The following PRKAG3 variants were observed in gnomAD, a reference collection of about 807,000 sequenced individuals.
PRKAG3 encodes the protein 5'-AMP-activated protein kinase subunit gamma-3.
Under a neutral mutation model 56.5 loss-of-function variants are expected in PRKAG3, and 39 were observed. That is an observed-to-expected ratio of 0.69 (90% CI 0.53 to 0.90). The LOEUF (loss-of-function observed/expected upper bound fraction) is 0.90, where lower values mean the gene tolerates loss of function less well. PRKAG3 is among the 40% of genes least tolerant of loss of function. PRKAG3 has a pLI of 0.00. For missense variants in PRKAG3, 628 were observed against 627.5 expected (o/e 1.00, Z -0.01); for synonymous variants, 243 against 250.1 (o/e 0.97, Z 0.27).
At chr2:218,822,355 A>G (rs1019755265), downstream of PRKAG3, 1 of 152,242 alleles carries the variant, frequency 6.6e-6, no homozygotes, top group African/African-American at 2.4e-5. Flanking sequence ...AAGAGAAGAA[A>G]GAAATTTCAG....
chr2:218,829,535 T>G (rs1384876081), intron 4 of PRKAG3, among the ~76,000 whole-genome samples: 1 of 151,682 alleles, frequency 6.6e-6, no homozygotes, highest in Non-Finnish European at 1.5e-5. Context: ...ACCATGTTGG[T>G]CAGGCCGGTC....
At chr2:218,823,124 C>T (rs997252445), downstream of PRKAG3, 16 of 895,982 alleles carry the variant, frequency 1.8e-5, no homozygotes, top group African/African-American at 3.6e-5. Flanking sequence ...GGAGGGACAG[C>T]GGCCTTTCCA....
chr2:218,827,726 A>G lies in PRKAG3; in HGVS notation c.821-97T>C. ...CTTCCGTCAGGCACCCGAGGCTCCT[A>G]TTGTCCCTCCCCTGTTCACTCCAGG... On this transcript the variant is annotated intron_variant, in intron 7 of 12. Coordinates refer to ENST00000529249, the Ensembl canonical transcript of PRKAG3. This position sits in a 1 kb window ranked among gnomAD's most constrained non-coding sequence, Gnocchi z 5.3. The G allele has an allele frequency of 6.4e-7, 1 of 1,561,110 alleles. No homozygotes were observed. The highest frequency in any genetic ancestry group is 2.2e-5 in the East Asian group (1 of 44,560).
chr2:218,827,661 G>C lies in PRKAG3; in HGVS notation c.821-32C>G. On this transcript the variant is annotated intron_variant, in intron 7 of 12. Coordinates refer to ENST00000529249, the Ensembl canonical transcript of PRKAG3. The surrounding 1 kb of genome is among the most constrained non-coding windows in gnomAD (Gnocchi z 5.3). ...AAAGAGCCAGAGTCAGGCCAGGGGA[G>C]CCGGTCACCTGCCTCACCTTGCAGT... 3 of 1,611,104 alleles carry C rather than the reference G, an allele frequency of 1.9e-6. No individual in the cohort carries two copies. Among genetic ancestry groups the C allele is most frequent in the Non-Finnish European group, 2.5e-6 (3 of 1,177,458 alleles).
exon 13 of PRKAG3, chr2:218,823,603 G>T: frequency 6.7e-7 from 1 of 1,485,996 alleles, no homozygotes; most frequent in South Asian, 1.2e-5. Context: ...CAGGAAATCA[G>T]GAAGACTAAG....
chr2:218,826,513 A>G, intron 10 of PRKAG3: 1 of 255,560 alleles, frequency 3.9e-6, no homozygotes, highest in Non-Finnish European at 7.8e-6. Flanking sequence ...TTGGAGTGTC[A>G]CTGTATGTAA....
chr2:218,827,521 G>T lies in PRKAG3; in HGVS notation c.875+54C>A. 6.2e-7 allele frequency: 1 copy of T among 1,601,772 alleles called. No homozygotes were observed. Among genetic ancestry groups the T allele is most frequent in the African/African-American group, 1.3e-5 (1 of 74,680 alleles). On this transcript the variant is annotated intron_variant, in intron 8 of 12. Coordinates refer to ENST00000529249, the Ensembl canonical transcript of PRKAG3. This position sits in a 1 kb window ranked among gnomAD's most constrained non-coding sequence, Gnocchi z 5.3. ...GGTGAGTTCAGAGCTGAGTGGGACTGGGGAAGGGGACTGTGGGAGGAGGAG... is the reference window on the plus strand; with the variant it reads ...GGTGAGTTCAGAGCTGAGTGGGACTTGGGAAGGGGACTGTGGGAGGAGGAG...
At chr2:218,828,533 T>C in exon 5 of PRKAG3, 1 of 1,613,712 alleles carries the variant, frequency 6.2e-7, no homozygotes, top group Non-Finnish European at 8.5e-7. Context: ...AAAGCTCTGC[T>C]TCTTGCTGTC....
rs1943961534 is a variant in PRKAG3 at position 218,828,004 on chromosome 2, CA to C, written c.773del (p.Leu258ArgfsTer112). The C allele has an allele frequency of 6.4e-7, 1 of 1,574,448 alleles. No individual in the cohort carries two copies. The highest frequency in any genetic ancestry group is 1.9e-5 in the Admixed American group (1 of 53,442). On this transcript the variant is annotated frameshift_variant and splice_region_variant, in exon 6 of 13. Coordinates refer to ENST00000529249, the Ensembl canonical transcript of PRKAG3. LOFTEE classifies it high-confidence loss of function. ...ATAAGATTCCCAGCCCACTCCTCAC[CA>C]GGGGGGACCTGTAGTAGCGATGCAG...
Position 218,827,356 on chromosome 2 carries a change from T to C in PRKAG3, c.893A>G (p.Tyr298Cys). Residue 298 changes from tyrosine (Y) to cysteine (C), a missense_variant, in exon 9 of 13, where the codon TAC becomes TGC. Tyr to Cys is a radical substitution (Grantham distance 194). Transcript: ENST00000529249. This position sits in a 1 kb window ranked among gnomAD's most constrained non-coding sequence, Gnocchi z 5.3. ...ATGGATCCGGTTCTTGATGAGGGTG[T>C]AGACAGCTTCAAACAGGCTGCAGAG... is the stretch of plus-strand genomic sequence containing the variant. 6.2e-7 allele frequency: 1 copy of C among 1,614,068 alleles called. No homozygotes were observed. Among genetic ancestry groups the C allele is most frequent in the Middle Eastern group, 1.6e-4 (1 of 6,062 alleles).
downstream of PRKAG3, chr2:218,822,890 C>A: frequency 1.0e-6 from 1 of 985,478 alleles, no homozygotes; most frequent in Non-Finnish European, 1.2e-6. Context: ...CCCAGTCAGG[C>A]GGCAAGGGGA....
intron 5 of PRKAG3, 148 bp from the exon 6 acceptor site, chr2:218,828,210 C>T: frequency 1.2e-6 from 1 of 834,524 alleles, no homozygotes; most frequent in Non-Finnish European, 1.9e-6. Context: ...GCCCCCCAGG[C>T]CTGAGAAGTG....
intron 4 of PRKAG3, among the ~76,000 whole-genome samples, 186 bp from the exon 5 acceptor site, chr2:218,828,786 C>T (rs908180529): frequency 2.6e-5 from 4 of 152,162 alleles, no homozygotes; most frequent in African/African-American, 4.8e-5. Flanking sequence ...TCACAGTACA[C>T]GCTAGACATG....
At chr2:218,826,806 C>A (rs1476539491) in intron 10 of PRKAG3, 122 bp downstream of exon 10, 3 of 1,320,702 alleles carry the variant, frequency 2.3e-6, no homozygotes, top group Non-Finnish European at 3.2e-6. Flanking sequence ...GACTTCTAAT[C>A]CCCAGTCCAT....
chr2:218,828,646 T>C, intron 4 of PRKAG3, 46 bp from the exon 5 acceptor site: 1 of 1,526,212 alleles, frequency 6.6e-7, no homozygotes, highest in Non-Finnish European at 9.0e-7. Flanking sequence ...CGAGAGACCC[T>C]CACCCCCCTC....
intron 11 of PRKAG3, 44 bp downstream of exon 11, chr2:218,824,495 C>A (rs749151932): frequency 6.2e-7 from 1 of 1,604,868 alleles, no homozygotes. Context: ...CATCCCCACA[C>A]CCTTAGCCTC....
chr2:218,829,165 T>C (rs993326828), intron 4 of PRKAG3, among the ~76,000 whole-genome samples: 1 of 152,166 alleles, frequency 6.6e-6, no homozygotes, highest in African/African-American at 2.4e-5. Context: ...GGACAATACA[T>C]ACACCGTGTT....
chr2:218,828,372 C>T, intron 5 of PRKAG3, 147 bp downstream of exon 5: 3 of 873,250 alleles, frequency 3.4e-6, no homozygotes, highest in Non-Finnish European at 5.2e-6. Flanking sequence ...CATGCAGACT[C>T]CGGATGGACT....
intron 10 of PRKAG3, 25 bp from the exon 11 acceptor site, chr2:218,824,601 G>A (rs746294524): frequency 1.2e-5 from 19 of 1,599,298 alleles, no homozygotes; most frequent in Non-Finnish European, 1.5e-5. Flanking sequence ...TGTGGGGGGT[G>A]GGGGGAGAAA....
Sources: allele counts gnomAD v4.1 joint callset (sites outside exome capture counted in the v4.1 genomes callset), GRCh38; gene constraint gnomAD v4.1.1; non-coding constraint Gnocchi (gnomAD v3.1); transcripts MANE v1.5; gene names NCBI Gene and HGNC (gene_info 2026-07-23, HGNC 2026-07-21).